GREB1L: variants seen among roughly 807,000 people sequenced by gnomAD.
GREB1L encodes the protein GREB1-like protein.
Under a neutral mutation model 200.8 loss-of-function variants are expected in GREB1L, and 17 were observed. The observed-to-expected ratio is 0.08, with a 90% CI of 0.06 to 0.13. GREB1L has a LOEUF of 0.13. GREB1L is among the 10% of genes least tolerant of loss of function. The probability of loss-of-function intolerance (pLI) is 1.00; values close to 1 mark genes in which losing one functional copy is unlikely to be tolerated. For synonymous variants in GREB1L, 789 were observed against 893.0 expected (o/e 0.88, Z 2.08); for missense variants, 1,657 against 2,367.7 (o/e 0.70, Z 6.23).
chr18:21,463,762 A>C (rs2035154549), intron 15 of GREB1L, among the ~76,000 whole-genome samples: 1 of 152,072 alleles, frequency 6.6e-6, no homozygotes, highest in Non-Finnish European at 1.5e-5. Context: ...TAGAGACAAG[A>C]TCTCACCACG....
At chr18:21,318,329 A>T (rs1437284746) in intron 1 of GREB1L, among the ~76,000 whole-genome samples, 1 of 152,220 alleles carries the variant, frequency 6.6e-6, no homozygotes, top group Non-Finnish European at 1.5e-5. Flanking sequence ...ATAGTAGACT[A>T]GTCCTTAAAT....
At chr18:21,350,291 G>A (rs1371209430) in intron 1 of GREB1L, among the ~76,000 whole-genome samples, 2 of 148,320 alleles carry the variant, frequency 1.3e-5, no homozygotes, top group African/African-American at 5.0e-5. Flanking sequence ...AGGCCGGAGT[G>A]CAATGGCGTG....
chr18:21,367,499 G>C (rs964934676), intron 2 of GREB1L, among the ~76,000 whole-genome samples: 3 of 152,104 alleles, frequency 2.0e-5, no homozygotes, highest in African/African-American at 7.2e-5. Flanking sequence ...GAGGTAAGCC[G>C]GGAACTTACA....
chr18:21,321,800 T>C (rs1302035690), intron 1 of GREB1L, among the ~76,000 whole-genome samples: 1 of 152,216 alleles, frequency 6.6e-6, no homozygotes, highest in African/African-American at 2.4e-5. Flanking sequence ...TGTCGTTATC[T>C]CCATAGATGT....
At chr18:21,446,385 G>T (rs963176687) in intron 11 of GREB1L, among the ~76,000 whole-genome samples, 10 of 151,844 alleles carry the variant, frequency 6.6e-5, no homozygotes, top group African/African-American at 2.4e-4. Context: ...TGAACCAAGT[G>T]GTCAAAATAA....
At chr18:21,515,782 T>C in intron 29 of GREB1L, 138 bp downstream of exon 29, 1 of 677,658 alleles carries the variant, frequency 1.5e-6, no homozygotes, top group South Asian at 1.9e-5. Flanking sequence ...GAAAGGGGGA[T>C]CACAAGCCCC....
At chr18:21,303,480 C>G (rs2038651382) in intron 1 of GREB1L, among the ~76,000 whole-genome samples, 1 of 152,142 alleles carries the variant, frequency 6.6e-6, no homozygotes, top group African/African-American at 2.4e-5. Flanking sequence ...TTTCCGGAGA[C>G]TTTATAATTG....
intron 1 of GREB1L, among the ~76,000 whole-genome samples, chr18:21,258,696 G>T (rs2037840671): frequency 6.6e-6 from 1 of 152,196 alleles, no homozygotes; most frequent in South Asian, 2.1e-4. Context: ...TGTGGCAGAG[G>T]TGAAGGGAGA....
chr18:21,524,177 G>A lies in GREB1L; in HGVS notation c.*1356G>A, dbSNP rs1216595462. 1 of 152,074 alleles carries A rather than the reference G, an allele frequency of 6.6e-6. No individual in the cohort carries two copies. Among genetic ancestry groups the A allele is most frequent in the Non-Finnish European group, 1.5e-5 (1 of 67,996 alleles). The allele number at this position is 152,074 out of a possible 1,614,324, so 9.4% of individuals were successfully genotyped here. A position where few individuals can be genotyped will look rare whatever the true frequency, so the allele number is the denominator to read the frequency against. On this transcript the variant is annotated 3_prime_UTR_variant, in exon 33 of 33. Coordinates refer to ENST00000424526, the MANE Select transcript of GREB1L (RefSeq NM_001142966.3). ...ATTTTTACTTGAATCAATCTTGTTT[G>A]TGACCTGAAACTACTGAGGGGCCTA...
At chr18:21,266,484 G>T (rs2037969582) in intron 1 of GREB1L, among the ~76,000 whole-genome samples, 1 of 152,162 alleles carries the variant, frequency 6.6e-6, no homozygotes, top group Admixed American at 6.5e-5. Context: ...GGTGAGCCTT[G>T]GGCTGCAGGG....
chr18:21,346,956 T>C (rs2039355206), intron 1 of GREB1L, among the ~76,000 whole-genome samples: 1 of 152,188 alleles, frequency 6.6e-6, no homozygotes, highest in African/African-American at 2.4e-5. Context: ...TTCTGACAAT[T>C]ACCAACCTAT....
At chr18:21,429,515 G>A (rs2032978688) in intron 7 of GREB1L, among the ~76,000 whole-genome samples, 1 of 151,524 alleles carries the variant, frequency 6.6e-6, no homozygotes, top group African/African-American at 2.4e-5. Flanking sequence ...GCCATTTGAT[G>A]TCTTTGTCTG....
intron 1 of GREB1L, among the ~76,000 whole-genome samples, chr18:21,334,953 T>C (rs1490724407): frequency 3.3e-5 from 5 of 152,226 alleles, no homozygotes; most frequent in African/African-American, 1.2e-4. Context: ...GTTTCTCTCT[T>C]TGTCTTTGTG....
At chr18:21,451,390 C>T (rs543866071) in intron 13 of GREB1L, 2 of 315,106 alleles carry the variant, frequency 6.3e-6, no homozygotes, top group Non-Finnish European at 1.2e-5. Context: ...TGTTGAGTGA[C>T]CTTGGGCGAG....
intron 1 of GREB1L, among the ~76,000 whole-genome samples, chr18:21,273,160 G>A (rs540041488): frequency 1.4e-4 from 22 of 152,278 alleles, no homozygotes; most frequent in Non-Finnish European, 2.4e-4. Context: ...CCCGGGAGGC[G>A]GAGGTTGCAG....
At chr18:21,259,356 A>G (rs2037854040) in intron 1 of GREB1L, among the ~76,000 whole-genome samples, 1 of 152,204 alleles carries the variant, frequency 6.6e-6, no homozygotes, top group Non-Finnish European at 1.5e-5. Context: ...TGGGGATAAT[A>G]GAATACACCA....
At chr18:21,361,717 C>T (rs764735723) in intron 1 of GREB1L, among the ~76,000 whole-genome samples, 2 of 149,074 alleles carry the variant, frequency 1.3e-5, no homozygotes, top group Non-Finnish European at 3.0e-5. Flanking sequence ...CTGGAAGGGG[C>T]CCTTAAAAAA....
intron 21 of GREB1L, 85 bp from the exon 22 acceptor site, chr18:21,499,644 A>G (rs2036693101): frequency 1.0e-6 from 1 of 961,626 alleles, no homozygotes; most frequent in South Asian, 1.6e-5. Flanking sequence ...CCCAGTGTCC[A>G]CTGCTTTCCT....
intron 14 of GREB1L, 110 bp downstream of exon 14, chr18:21,452,327 C>G: frequency 1.9e-6 from 2 of 1,061,418 alleles, no homozygotes; most frequent in Non-Finnish European, 1.3e-6. Flanking sequence ...ACCACAACAG[C>G]CTTTTCCTGA....
Sources: gnomAD v4.1 joint callset for allele counts (sites outside exome capture counted in the v4.1 genomes callset) on GRCh38, gnomAD v4.1.1 for gene constraint, MANE v1.5 for transcripts, NCBI Gene and HGNC (gene_info 2026-07-23, HGNC 2026-07-21) for gene names.